KHDRBS3: variants seen among roughly 807,000 people sequenced by gnomAD.
KHDRBS3 encodes the protein KH domain-containing, RNA-binding, signal transduction-associated protein 3.
KHDRBS3 carries 23 observed loss-of-function variants against 45.6 expected under a neutral mutation model. That is an observed-to-expected ratio of 0.50 (90% CI 0.36 to 0.72). The LOEUF is 0.72. Among genes scored for constraint, KHDRBS3 ranks in the 30% least tolerant of loss-of-function variants. The probability of loss-of-function intolerance (pLI) is 0.00; values close to 1 mark genes in which losing one functional copy is unlikely to be tolerated. For synonymous variants in KHDRBS3, 162 were observed against 156.5 expected, an observed-to-expected ratio of 1.04 and a Z score of -0.26; for missense variants, 352 against 424.8, an observed-to-expected ratio of 0.83 and a Z score of 1.51.
chr8:135,646,819 G>A (rs1319055267), intron 8 of KHDRBS3, among the ~76,000 whole-genome samples, 174 bp from the exon 9 acceptor site: 1 of 152,096 alleles, frequency 6.6e-6, no homozygotes. Flanking sequence ...ATTTTTCCTT[G>A]TGTTTGTAAT....
intron 6 of KHDRBS3, among the ~76,000 whole-genome samples, chr8:135,583,673 C>A (rs1475685563): frequency 6.6e-6 from 1 of 152,100 alleles, no homozygotes; most frequent in Non-Finnish European, 1.5e-5. Context: ...GCTTCATAAT[C>A]CACTTATTTC....
intron 1 of KHDRBS3, among the ~76,000 whole-genome samples, chr8:135,460,944 G>A (rs990312783): frequency 8.5e-5 from 13 of 152,134 alleles, no homozygotes; most frequent in African/African-American, 2.9e-4. Context: ...GAGCTAGGAT[G>A]ACAATAAGAG....
At chr8:135,512,305 A>G (rs543060455) in intron 1 of KHDRBS3, among the ~76,000 whole-genome samples, 5 of 151,820 alleles carry the variant, frequency 3.3e-5, no homozygotes, top group South Asian at 4.2e-4. Context: ...GGACTGTTGT[A>G]CTATTTTGAA....
At chr8:135,470,023 C>T (rs542361215) in intron 1 of KHDRBS3, among the ~76,000 whole-genome samples, 2 of 152,270 alleles carry the variant, frequency 1.3e-5, no homozygotes, top group East Asian at 3.9e-4. Context: ...TATTTAATTT[C>T]AAAAATTCAA....
At chr8:135,552,813 C>T (rs563122409) in intron 4 of KHDRBS3, among the ~76,000 whole-genome samples, 3 of 152,166 alleles carry the variant, frequency 2.0e-5, no homozygotes, top group East Asian at 1.9e-4. Context: ...TGTGTCAGCA[C>T]TGCTTAGTGG....
chr8:135,547,962 A>C (rs1438516791), intron 3 of KHDRBS3, among the ~76,000 whole-genome samples: 1 of 152,182 alleles, frequency 6.6e-6, no homozygotes. Context: ...TTCGTCCTGC[A>C]TTTCCTTATG....
At chr8:135,528,443 G>A (rs1423565956) in intron 2 of KHDRBS3, among the ~76,000 whole-genome samples, 1 of 152,156 alleles carries the variant, frequency 6.6e-6, no homozygotes, top group Non-Finnish European at 1.5e-5. Flanking sequence ...TACAGTCATA[G>A]AGATATGTTA....
intron 4 of KHDRBS3, among the ~76,000 whole-genome samples, chr8:135,555,313 AG>A (rs1434796899): frequency 1.3e-5 from 2 of 152,156 alleles, no homozygotes; most frequent in Non-Finnish European, 2.9e-5. Context: ...TGGCCCAGGA[AG>A]GCTTTGAATG....
Position 135,489,660 on chromosome 8 carries a change from G to A in KHDRBS3, c.89-31577G>A, listed in dbSNP as rs549392861. Among the ~76,000 whole-genome samples, 9 of 152,154 alleles carry A rather than the reference G, an allele frequency of 5.9e-5. No homozygotes were observed. The South Asian group carries it at 8.3e-4, about 14-fold the overall frequency. On this transcript the variant is annotated intron_variant, in intron 1 of 8. Transcript: ENST00000355849. ...GCCACTGCACTCTATCTGGCCTGGC[G>A]ACAGAGCGAGACTCCATCTCAAAAC...
intron 2 of KHDRBS3, chr8:135,539,344 C>G (rs1046060101): frequency 3.9e-5 from 6 of 152,272 alleles, no homozygotes; most frequent in Admixed American, 3.9e-4. Flanking sequence ...ATAATCAGTT[C>G]TAAATTTCAG....
chr8:135,494,061 A>G (rs961671710), intron 1 of KHDRBS3, among the ~76,000 whole-genome samples: 3 of 152,098 alleles, frequency 2.0e-5, no homozygotes, highest in Non-Finnish European at 4.4e-5. Flanking sequence ...TCTGATTCTT[A>G]TAGTGAATGT....
chr8:135,586,940 C>T (rs1224953300), intron 6 of KHDRBS3, among the ~76,000 whole-genome samples: 1 of 152,176 alleles, frequency 6.6e-6, no homozygotes, highest in South Asian at 2.1e-4. Context: ...GTATGCATTT[C>T]AATCTTTAAA....
At chr8:135,648,080 G>A (rs1478968403), downstream of KHDRBS3, 1 of 152,156 alleles carries the variant, frequency 6.6e-6, no homozygotes, top group African/African-American at 2.4e-5. Flanking sequence ...CACTCGCCAA[G>A]GCTGAGGATG....
chr8:135,561,526 G>A (rs1827165959), intron 5 of KHDRBS3, among the ~76,000 whole-genome samples: 1 of 139,412 alleles, frequency 7.2e-6, no homozygotes, highest in Non-Finnish European at 1.6e-5. Flanking sequence ...TTTTGATCCA[G>A]AATAAGTAAT....
At chr8:135,571,290 T>G (rs1827691040) in intron 5 of KHDRBS3, among the ~76,000 whole-genome samples, 1 of 152,194 alleles carries the variant, frequency 6.6e-6, no homozygotes. Flanking sequence ...AGGAATCCAG[T>G]GAGTATGTTT....
chr8:135,616,351 A>G (rs1363422841), intron 7 of KHDRBS3, among the ~76,000 whole-genome samples: 1 of 152,216 alleles, frequency 6.6e-6, no homozygotes, highest in Admixed American at 6.5e-5. Context: ...GTTCCTATAA[A>G]TGTAGAGAAG....
chr8:135,499,992 T>A (rs1187721753), intron 1 of KHDRBS3, among the ~76,000 whole-genome samples: 1 of 152,220 alleles, frequency 6.6e-6, no homozygotes, highest in African/African-American at 2.4e-5. Flanking sequence ...GTTGCAAGTT[T>A]ATAGGAGTTA....
At chr8:135,623,612 A>G (rs868482530) in intron 7 of KHDRBS3, among the ~76,000 whole-genome samples, 10 of 152,050 alleles carry the variant, frequency 6.6e-5, no homozygotes, top group African/African-American at 2.2e-4. Flanking sequence ...TTATTGAGAA[A>G]CTGTTTAAAG....
chr8:135,574,375 C>T (rs1006811069), intron 5 of KHDRBS3, among the ~76,000 whole-genome samples: 3 of 152,106 alleles, frequency 2.0e-5, no homozygotes, highest in African/African-American at 7.2e-5. Flanking sequence ...GATAAGCGTC[C>T]AGAACAACTA....
Sources: allele counts gnomAD v4.1 joint callset (sites outside exome capture counted in the v4.1 genomes callset), GRCh38; gene constraint gnomAD v4.1.1; transcripts MANE v1.5; gene names NCBI Gene and HGNC (gene_info 2026-07-23, HGNC 2026-07-21).